The following ANKFN1 variants were observed in gnomAD, a reference collection of about 807,000 sequenced individuals.
ANKFN1 encodes the protein ankyrin repeat and fibronectin type III domain containing 1, also known as ankyrin repeat and fibronectin type-III domain-containing protein 1.
ANKFN1 carries 74 observed loss-of-function variants against 108.7 expected under a neutral mutation model. That is an observed-to-expected ratio of 0.68 (90% confidence interval 0.56 to 0.83). ANKFN1 has a LOEUF of 0.83. Ranked by LOEUF, ANKFN1 falls within the 40% of genes least tolerant of loss-of-function variation. The pLI is 0.00. For missense variants in ANKFN1, 1,505 were observed against 1,382.3 expected (o/e 1.09, Z -1.41); for synonymous variants, 547 against 516.2 (o/e 1.06, Z -0.81).
intron 3 of ANKFN1, among the ~76,000 whole-genome samples, chr17:56,234,772 T>G (rs1454505787): frequency 6.6e-6 from 1 of 152,228 alleles, no homozygotes; most frequent in African/African-American, 2.4e-5. Flanking sequence ...TTTAGGTTGA[T>G]TCCATATAAT....
chr17:56,176,411 C>T (rs992545529), intron 1 of ANKFN1, among the ~76,000 whole-genome samples: 4 of 152,148 alleles, frequency 2.6e-5, no homozygotes, highest in Non-Finnish European at 4.4e-5. Flanking sequence ...TATATTTACT[C>T]AAGTTTAAAG....
At chr17:56,263,774 C>T (rs1024229662) in intron 3 of ANKFN1, among the ~76,000 whole-genome samples, 3 of 152,172 alleles carry the variant, frequency 2.0e-5, no homozygotes, top group Non-Finnish European at 2.9e-5. Flanking sequence ...TCCAAGCATC[C>T]AACTGTTTAT....
chr17:56,131,582 C>A (rs1308020430), intron 4 of ANKFN1, among the ~76,000 whole-genome samples: 1 of 152,212 alleles, frequency 6.6e-6, no homozygotes, highest in East Asian at 1.9e-4. Context: ...GTTCCAAGGA[C>A]ATTAATCACC....
intron 3 of ANKFN1, among the ~76,000 whole-genome samples, chr17:56,257,390 G>A (rs961361788): frequency 1.3e-5 from 2 of 152,208 alleles, no homozygotes; most frequent in Non-Finnish European, 2.9e-5. Context: ...AATGTGATGT[G>A]CTATGCATCT....
chr17:56,198,929 A>G (rs1345601339), intron 1 of ANKFN1, among the ~76,000 whole-genome samples: 2 of 152,196 alleles, frequency 1.3e-5, no homozygotes, highest in Non-Finnish European at 1.5e-5. Flanking sequence ...CTTCTTCTTA[A>G]TAATTATTTA....
intron 8 of ANKFN1, among the ~76,000 whole-genome samples, chr17:56,412,585 C>G (rs2048124704): frequency 6.6e-6 from 1 of 152,190 alleles, no homozygotes; most frequent in Non-Finnish European, 1.5e-5. Context: ...TTCTGGCCTT[C>G]ATATTTCTCC....
chr17:56,288,986 A>G (rs1168275576), intron 3 of ANKFN1, among the ~76,000 whole-genome samples: 1 of 152,198 alleles, frequency 6.6e-6, no homozygotes, highest in African/African-American at 2.4e-5. Context: ...ACAATCACCC[A>G]TGTGTGTGCA....
At chr17:56,365,082 A>G (rs941310992) in intron 6 of ANKFN1, among the ~76,000 whole-genome samples, 2 of 152,208 alleles carry the variant, frequency 1.3e-5, no homozygotes, top group African/African-American at 4.8e-5. Context: ...TTCCTACCTT[A>G]AAACAAGTCA....
At chr17:56,161,177 G>GGATTAAAT (rs1437965564) in intron 1 of ANKFN1, among the ~76,000 whole-genome samples, 1 of 152,132 alleles carries the variant, frequency 6.6e-6, no homozygotes, top group African/African-American at 2.4e-5. Flanking sequence ...TTTGCTGTAA[G>GGATTAAAT]GATTAAATGA....
chr17:56,280,465 T>C (rs1217987331), intron 3 of ANKFN1, among the ~76,000 whole-genome samples: 1 of 152,170 alleles, frequency 6.6e-6, no homozygotes, highest in Non-Finnish European at 1.5e-5. Context: ...CCCTGCTCTT[T>C]CCTCCAGTTC....
chr17:56,174,848 C>G (rs1421820964), intron 1 of ANKFN1, among the ~76,000 whole-genome samples: 2 of 152,164 alleles, frequency 1.3e-5, no homozygotes, highest in African/African-American at 2.4e-5. Context: ...AAGCTTAACC[C>G]TGGGGATTTG....
In ANKFN1 at chr17:56,510,869, A is replaced by G. The variant is rs1254942490; in HGVS notation, c.3041A>G (p.His1014Arg). The stretch of plus-strand genomic sequence containing the variant: ...CCCCACTATGGCGGCTTCAGCCGCC[A>G]TCATCGCTGGTTGCGCATCCACAGC... ...KHPHYGGFSR[H>R]HRWLRIHSET... is the part of the protein sequence containing the mutation. The change falls in exon 21 of 21, where the codon CAT (histidine) becomes CGT (arginine). Residue 1014 changes from histidine to arginine, a missense_variant. By Grantham distance (29) the His-to-Arg change is conservative. Coordinates refer to ENST00000682825, the MANE Select transcript of ANKFN1 (RefSeq NM_001370326.1). 2.6e-6 allele frequency: 4 copies of G among 1,536,122 alleles called. No individual in the cohort carries two copies. The highest frequency in any genetic ancestry group is 3.5e-6 in the Non-Finnish European group (4 of 1,146,906).
intron 2 of ANKFN1, among the ~76,000 whole-genome samples, chr17:56,226,748 G>A (rs878905408): frequency 1.3e-5 from 2 of 152,184 alleles, no homozygotes; most frequent in Non-Finnish European, 2.9e-5. Flanking sequence ...GTGCTGGAGA[G>A]AGGAAATACA....
At chr17:56,403,672 A>T (rs1193499026) in intron 8 of ANKFN1, among the ~76,000 whole-genome samples, 1 of 152,150 alleles carries the variant, frequency 6.6e-6, no homozygotes, top group Non-Finnish European at 1.5e-5. Flanking sequence ...AATATGGGGT[A>T]CTGTTGCATT....
At chr17:56,417,075 G>T (rs1223330119) in intron 8 of ANKFN1, among the ~76,000 whole-genome samples, 1 of 151,984 alleles carries the variant, frequency 6.6e-6, no homozygotes, top group Admixed American at 6.6e-5. Context: ...GTAGTGGGAG[G>T]TTGGGGGGAA....
Position 56,115,507 on chromosome 17 carries a change from G to A in ANKFN1, c.288+69182G>A, listed in dbSNP as rs113071603. Among the ~76,000 whole-genome samples the A allele has an allele frequency of 8.2e-3, 1,251 of 152,222 alleles. 18 individuals carry two copies. Among genetic ancestry groups the A allele is most frequent in the African/African-American group, 0.028 (1,159 of 41,532 alleles). On this transcript the variant is annotated intron_variant, in intron 4 of 12. Coordinates refer to the ANKFN1 transcript ENST00000635860. ...AATCTATACAGGTAAATGGAAGGAT[G>A]CATGCCAAATAAAACAGTAATAACC...
intron 3 of ANKFN1, among the ~76,000 whole-genome samples, chr17:56,295,084 C>T (rs980363012): frequency 8.5e-5 from 13 of 152,208 alleles, no homozygotes; most frequent in African/African-American, 3.1e-4. Flanking sequence ...GTTAAGCCAG[C>T]CTATTGGAAA....
At chr17:56,062,297 T>C (rs1352508780) in intron 4 of ANKFN1, among the ~76,000 whole-genome samples, 1 of 152,180 alleles carries the variant, frequency 6.6e-6, no homozygotes, top group Non-Finnish European at 1.5e-5. Flanking sequence ...GCTAATTTTC[T>C]CTCTCATTGA....
At chr17:56,073,175 G>C (rs888671408) in intron 4 of ANKFN1, among the ~76,000 whole-genome samples, 1 of 151,842 alleles carries the variant, frequency 6.6e-6, no homozygotes, top group African/African-American at 2.4e-5. Context: ...TGTATTTTTA[G>C]TAGAGACGGG....
Sources: allele counts gnomAD v4.1 joint callset (sites outside exome capture counted in the v4.1 genomes callset), GRCh38; gene constraint gnomAD v4.1.1; transcripts MANE v1.5; gene names NCBI Gene and HGNC (gene_info 2026-07-23, HGNC 2026-07-21).